ZBED6: variants seen among roughly 807,000 people sequenced by gnomAD.
The protein encoded by ZBED6 is zinc finger BED-type containing 6.
ZBED6 carries 40 observed loss-of-function variants against 58.4 expected under a neutral mutation model. The observed-to-expected ratio is 0.68, with a 90% confidence interval of 0.53 to 0.89. The LOEUF (loss-of-function observed/expected upper bound fraction) is 0.89, where lower values mean the gene tolerates loss of function less well. ZBED6 is among the 40% of genes least tolerant of loss of function. ZBED6 has a pLI of 0.00. For missense variants in ZBED6, 1,057 were observed against 1,003.9 expected, an observed-to-expected ratio of 1.05 and a Z score of -0.71; for synonymous variants, 439 against 350.6, an observed-to-expected ratio of 1.25 and a Z score of -2.82.
intron 1 of ZBED6, among the ~76,000 whole-genome samples, chr1:203,804,042 A>G (rs575700982): frequency 1.9e-4 from 29 of 151,826 alleles, no homozygotes; most frequent in African/African-American, 5.3e-4. Context: ...TTAATCCTCT[A>G]TTTATTCATT....
rs569523300 is a variant in ZBED6, at chr1:203,804,509, G to C, written c.*2554+1493G>C. The stretch of plus-strand genomic sequence containing the variant: ...CTTCCTGTATATCTTTTTACTGTGA[G>C]TGGTACTCTGCCATCATCTGAATGA... On this transcript the variant is annotated intron_variant, in intron 1 of 16. Transcript: ENST00000550078. 9.5e-4 allele frequency among the ~76,000 whole-genome samples: 145 copies of C among 152,096 alleles called. 1 individual carries two copies. Among genetic ancestry groups the C allele is most frequent in the African/African-American group, 3.4e-3 (142 of 41,484 alleles).
chr1:203,836,586 A>G (rs953375601), intron 9 of ZBED6, among the ~76,000 whole-genome samples: 1 of 152,174 alleles, frequency 6.6e-6, no homozygotes, highest in Non-Finnish European at 1.5e-5. Flanking sequence ...CTAAAAATAC[A>G]AACATCTCTA....
chr1:203,815,445 C>G (rs1391758999), intron 1 of ZBED6, among the ~76,000 whole-genome samples: 3 of 149,114 alleles, frequency 2.0e-5, no homozygotes, highest in Non-Finnish European at 4.4e-5. Context: ...TCTCGAACTC[C>G]TGGACTCAAG....
At chr1:203,795,926 T>C (rs936786169) in exon 1 of ZBED6, 1 of 151,710 alleles carries the variant, frequency 6.6e-6, no homozygotes, top group African/African-American at 2.4e-5. Context: ...AGCGGATCCT[T>C]CAGCTTCGCC....
Position 203,820,587 on chromosome 1 carries a change from T to C in ZBED6, c.*2873+1898T>C, listed in dbSNP as rs1678274360. 2.0e-5 allele frequency among the ~76,000 whole-genome samples: 3 copies of C among 151,950 alleles called. No homozygotes were observed. In the South Asian group the frequency reaches 6.3e-4, roughly 32 times the overall value. On this transcript the variant is annotated intron_variant, in intron 3 of 16. Coordinates refer to ENST00000550078, the Ensembl canonical transcript of ZBED6. ...CTGCCTCCTGAGTTCATGTGATTCT[T>C]GTGCCTCAACCTCTCGAGTAGCTGG... is the stretch of plus-strand genomic sequence containing the variant.
Position 203,848,421 on chromosome 1 carries a change from T to C in ZBED6, c.*4322+14T>C, listed in dbSNP as rs12086293. On this transcript the variant is annotated intron_variant, in intron 13 of 16. Coordinates refer to ENST00000550078, the Ensembl canonical transcript of ZBED6. The stretch of plus-strand genomic sequence containing the variant: ...GAAGCTAAAGAGGTAAATTTAAGAT[T>C]ATTGTATGGTTTTGTTCATGGCAAA... 0.14 allele frequency: 215,452 copies of C among 1,594,490 alleles called. 15,664 individuals carry two copies. The highest frequency in any genetic ancestry group is 0.15 in the Non-Finnish European group (169,682 of 1,169,242).
At chr1:203,805,042 A>G (rs776099316) in intron 1 of ZBED6, among the ~76,000 whole-genome samples, 1 of 152,138 alleles carries the variant, frequency 6.6e-6, no homozygotes, top group Admixed American at 6.6e-5. Flanking sequence ...GAGTAAATAA[A>G]TGTCCTATTC....
intron 3 of ZBED6, among the ~76,000 whole-genome samples, chr1:203,824,616 C>G (rs1679881306): frequency 6.6e-6 from 1 of 151,564 alleles, no homozygotes; most frequent in African/African-American, 2.4e-5. Context: ...TGAGGCGGAA[C>G]AGAGCTCTGC....
At chr1:203,822,014 C>T (rs1276371269) in intron 3 of ZBED6, among the ~76,000 whole-genome samples, 1 of 152,102 alleles carries the variant, frequency 6.6e-6, no homozygotes, top group Non-Finnish European at 1.5e-5. Flanking sequence ...GCCTTGGCCT[C>T]CCAAAGTCCT....
At chr1:203,798,655 G>C in exon 1 of ZBED6, 6 of 1,536,148 alleles carry the variant, frequency 3.9e-6, no homozygotes, top group Non-Finnish European at 4.4e-6. Context: ...GTTGAAAACA[G>C]ATCTGAAAGT....
chr1:203,821,502 T>C (rs1389023531), intron 3 of ZBED6, among the ~76,000 whole-genome samples: 1 of 152,188 alleles, frequency 6.6e-6, no homozygotes, highest in Non-Finnish European at 1.5e-5. Flanking sequence ...TTTTGATGTT[T>C]CCATCATTCT....
intron 9 of ZBED6, chr1:203,834,088 T>G: frequency 8.4e-7 from 1 of 1,187,574 alleles, no homozygotes; most frequent in Non-Finnish European, 1.0e-6. Flanking sequence ...TGGAAGGAAC[T>G]AGATTTTAAA....
chr1:203,817,024 A>T (rs3753589), exon 2 of ZBED6: 1 of 1,446,822 alleles, frequency 6.9e-7, no homozygotes, highest in Non-Finnish European at 9.5e-7. Context: ...TTGAGGAAGC[A>T]GTGGCTTGTT....
exon 1 of ZBED6, chr1:203,799,302 G>A (rs1314321427): frequency 1.4e-6 from 1 of 715,242 alleles, no homozygotes; most frequent in South Asian, 1.5e-5. Flanking sequence ...GGTCATTCAG[G>A]ACTTTTTCTG....
chr1:203,800,220 C>T lies in ZBED6; in HGVS notation c.2698C>T (p.Gln900Ter). 1 of 1,439,188 alleles carries T rather than the reference C, an allele frequency of 6.9e-7. No individual in the cohort carries two copies. The highest frequency in any genetic ancestry group is 9.4e-7 in the Non-Finnish European group (1 of 1,058,768). 89.2% of individuals were successfully genotyped at this position (1,439,188 alleles called of 1,614,324 possible). ...GATAAGCATATGGCCGGCTTTGACC[C>T]AGGTTGCCATCCAGTATCTAAGTTG... Residue 900 changes from glutamine (Q) to a stop codon, truncating the protein, a stop_gained, in exon 1 of 17, where the codon CAG (glutamine) becomes TAG (stop). Transcript: ENST00000550078. LOFTEE classifies it high-confidence loss of function.
At chr1:203,804,266 C>T (rs1307797696) in intron 1 of ZBED6, among the ~76,000 whole-genome samples, 2 of 151,884 alleles carry the variant, frequency 1.3e-5, no homozygotes, top group Middle Eastern at 3.4e-3. Flanking sequence ...ATTCTCCTGC[C>T]TCAGCCTCCC....
At chr1:203,802,769 A>AC (rs1189420286) in exon 1 of ZBED6, 1 of 150,608 alleles carries the variant, frequency 6.6e-6, no homozygotes, top group Non-Finnish European at 1.5e-5. Context: ...GAGATAACTA[A>AC]CCCTAGCTGT....
chr1:203,843,731 C>G (rs1206674625), intron 11 of ZBED6, among the ~76,000 whole-genome samples: 5 of 152,176 alleles, frequency 3.3e-5, no homozygotes, highest in African/African-American at 9.7e-5. Context: ...TTTTAAATGG[C>G]TGATTTGGGG....
intron 15 of ZBED6, 130 bp downstream of exon 15, chr1:203,850,811 T>G: frequency 7.5e-7 from 1 of 1,334,642 alleles, no homozygotes; most frequent in Non-Finnish European, 1.0e-6. Context: ...GTAATTTGGG[T>G]TACTACTGTA....
Sources: gnomAD v4.1 joint callset for allele counts (sites outside exome capture counted in the v4.1 genomes callset) on GRCh38, gnomAD v4.1.1 for gene constraint, MANE v1.5 for transcripts, NCBI Gene and HGNC (gene_info 2026-07-23, HGNC 2026-07-21) for gene names.